The following KAT14 variants were observed in gnomAD, a reference collection of about 807,000 sequenced individuals.
The protein encoded by KAT14 is lysine acetyltransferase 14.
KAT14 carries 66 observed loss-of-function variants against 78.4 expected under a neutral mutation model. That is an observed-to-expected ratio of 0.84 (90% CI 0.69 to 1.03). The LOEUF (loss-of-function observed/expected upper bound fraction) is 1.03. Ranked by LOEUF, KAT14 falls within the 50% of genes least tolerant of loss-of-function variation. The pLI, the probability that KAT14 is intolerant of heterozygous loss-of-function variation, is 0.00. For missense variants in KAT14, 870 were observed against 972.5 expected, an observed-to-expected ratio of 0.89 and a Z score of 1.40; for synonymous variants, 344 against 359.4, an observed-to-expected ratio of 0.96 and a Z score of 0.48.
chr20:18,174,669 A>ATT lies in KAT14; in HGVS notation c.1669-7031_1669-7030dup, dbSNP rs11481085. 4.1e-3 allele frequency among the ~76,000 whole-genome samples: 572 copies of ATT among 138,848 alleles called. 3 individuals carry two copies. Among genetic ancestry groups the ATT allele is most frequent in the African/African-American group, 0.011 (396 of 36,850 alleles). The allele number at this position is 138,848 out of a possible 152,430, so 91.1% of individuals were successfully genotyped here. A position where few individuals can be genotyped will look rare whatever the true frequency, so the allele number is the denominator to read the frequency against. On this transcript the variant is annotated intron_variant, in intron 7 of 10. Transcript: ENST00000688188. ...CTTTTGTTTTCTTGCTTTTTTTTTTATTTTTTTTTTTGAGGTGGATTTTTA... is the reference window on the plus strand; with the variant it reads ...CTTTTGTTTTCTTGCTTTTTTTTTTATTTTTTTTTTTTTGAGGTGGATTTTTA...
intron 7 of KAT14, among the ~76,000 whole-genome samples, chr20:18,179,454 T>C (rs1324538754): frequency 4.6e-5 from 7 of 152,182 alleles, no homozygotes; most frequent in Non-Finnish European, 5.9e-5. Flanking sequence ...TAGGTGGAGG[T>C]TCCCAAACCT....
intron 4 of KAT14, among the ~76,000 whole-genome samples, chr20:18,155,489 G>A (rs1485282535): frequency 6.6e-6 from 1 of 152,106 alleles, no homozygotes; most frequent in Admixed American, 6.6e-5. Flanking sequence ...GGGTATTTGT[G>A]CTCTGATCAC....
chr20:18,140,027 T>TG (rs2037470078), intron 1 of KAT14, among the ~76,000 whole-genome samples: 1 of 152,112 alleles, frequency 6.6e-6, no homozygotes, highest in South Asian at 2.1e-4. Context: ...GAAGGATGTG[T>TG]GAGGCAATCA....
chr20:18,142,999 T>C, intron 2 of KAT14, 80 bp downstream of exon 2: 1 of 1,541,090 alleles, frequency 6.5e-7, no homozygotes, highest in Non-Finnish European at 8.8e-7. Flanking sequence ...GAAACGTGAA[T>C]GTAAAAGAGA....
chr20:18,187,123 A>G (rs1464384974), intron 10 of KAT14, among the ~76,000 whole-genome samples, 163 bp from the exon 11 acceptor site: 1 of 152,202 alleles, frequency 6.6e-6, no homozygotes, highest in East Asian at 1.9e-4. Context: ...GCAAAATGTC[A>G]TTCTGTTTCC....
chr20:18,140,256 G>A (rs766596140), intron 1 of KAT14, among the ~76,000 whole-genome samples: 1 of 151,950 alleles, frequency 6.6e-6, no homozygotes. Flanking sequence ...AGTGGAATAA[G>A]CACCTCCGTT....
chr20:18,148,992 AAAGATT>A (rs2037938867), intron 3 of KAT14, among the ~76,000 whole-genome samples: 1 of 152,224 alleles, frequency 6.6e-6, no homozygotes, highest in African/African-American at 2.4e-5. Flanking sequence ...TTTGCCTAGT[AAAGATT>A]AAGTGATAAT....
intron 7 of KAT14, among the ~76,000 whole-genome samples, chr20:18,169,585 G>T (rs762172819): frequency 2.6e-5 from 4 of 152,168 alleles, no homozygotes; most frequent in African/African-American, 4.8e-5. Flanking sequence ...GCACTAACCA[G>T]CTGTTCCCCA....
chr20:18,161,508 C>T (rs759944767), intron 5 of KAT14, among the ~76,000 whole-genome samples: 2 of 152,034 alleles, frequency 1.3e-5, no homozygotes, highest in Non-Finnish European at 2.9e-5. Flanking sequence ...TGATATTACT[C>T]ATAATAATAA....
chr20:18,145,186 C>T (rs771243507), intron 2 of KAT14, 47 bp from the exon 3 acceptor site: 46 of 1,597,208 alleles, frequency 2.9e-5, no homozygotes, highest in Non-Finnish European at 3.5e-5. Context: ...TTTAGGTTAC[C>T]GCTGCTCTAG....
intron 3 of KAT14, among the ~76,000 whole-genome samples, chr20:18,147,815 ACCTCAGGTGAT>A (rs2037881108): frequency 6.6e-6 from 1 of 152,104 alleles, no homozygotes; most frequent in South Asian, 2.1e-4. Flanking sequence ...CGAACTCCTG[ACCTCAGGTGAT>A]CCACCCACCT....
intron 7 of KAT14, among the ~76,000 whole-genome samples, chr20:18,169,944 C>G (rs1323971517): frequency 6.6e-6 from 1 of 152,158 alleles, no homozygotes; most frequent in Admixed American, 6.5e-5. Context: ...GATAGAAGAT[C>G]AAACCAGCCA....
chr20:18,164,615 TTC>T lies in KAT14; in HGVS notation c.1668+1672_1668+1673del, dbSNP rs1405322325. 3.0e-3 allele frequency among the ~76,000 whole-genome samples: 38 copies of T among 12,864 alleles called. 1 individual carries two copies. Among genetic ancestry groups the T allele is most frequent in the African/African-American group, 0.013 (29 of 2,156 alleles). 8.4% of individuals were successfully genotyped at this position (12,864 alleles called of 152,430 possible). On this transcript the variant is annotated intron_variant, in intron 7 of 10. Transcript: ENST00000688188. Reference sequence around the variant, plus strand: ...TTAGTCATCTATTCACTTGTTCTTGTTCTTTTTTTTTTTTTTTTTGAGACATG... The same window carrying T: ...TTAGTCATCTATTCACTTGTTCTTGTTTTTTTTTTTTTTTTTTGAGACATG...
chr20:18,156,748 A>T (rs1417270505), intron 4 of KAT14, among the ~76,000 whole-genome samples: 1 of 151,970 alleles, frequency 6.6e-6, no homozygotes, highest in East Asian at 1.9e-4. Flanking sequence ...CTGTGTCTTC[A>T]TGCATCTTCC....
At chr20:18,155,628 C>G (rs954999775) in intron 4 of KAT14, among the ~76,000 whole-genome samples, 5 of 152,118 alleles carry the variant, frequency 3.3e-5, no homozygotes, top group Admixed American at 6.5e-5. Flanking sequence ...GGCCAATAAG[C>G]ACATCAAAAG....
At chr20:18,152,109 G>A (rs1451562536) in intron 4 of KAT14, among the ~76,000 whole-genome samples, 1 of 152,080 alleles carries the variant, frequency 6.6e-6, no homozygotes, top group East Asian at 1.9e-4. Context: ...CTGTTCAAGA[G>A]TTGGATAAGT....
chr20:18,179,854 C>G (rs1395322046), intron 7 of KAT14, among the ~76,000 whole-genome samples: 1 of 152,092 alleles, frequency 6.6e-6, no homozygotes, highest in Non-Finnish European at 1.5e-5. Context: ...CTTTTAATAG[C>G]ACCCAAGTCA....
At chr20:18,170,586 G>A (rs999587507) in intron 7 of KAT14, among the ~76,000 whole-genome samples, 2 of 152,232 alleles carry the variant, frequency 1.3e-5, no homozygotes, top group African/African-American at 4.8e-5. Context: ...CCAGGCTGGA[G>A]TGCAGTGGCG....
intron 3 of KAT14, among the ~76,000 whole-genome samples, chr20:18,147,580 A>T (rs554301213): frequency 1.3e-4 from 20 of 151,846 alleles, no homozygotes; most frequent in African/African-American, 2.4e-4. Context: ...TATTCTTTTT[A>T]AAAAAAAATT....
Sources: gnomAD v4.1 joint callset for allele counts (sites outside exome capture counted in the v4.1 genomes callset) on GRCh38, gnomAD v4.1.1 for gene constraint, MANE v1.5 for transcripts, NCBI Gene and HGNC (gene_info 2026-07-23, HGNC 2026-07-21) for gene names.